Variants in TRIP13 observed in about 807,000 individuals in gnomAD.
TRIP13 encodes pachytene checkpoint protein 2 homolog.
A neutral mutation model predicts 54.4 loss-of-function variants in TRIP13; 25 were observed. The observed-to-expected ratio is 0.46, with a 90% CI of 0.33 to 0.64. The LOEUF is 0.64. Ranked by LOEUF, TRIP13 falls within the 30% of genes least tolerant of loss-of-function variation. The pLI is 0.02. For synonymous variants in TRIP13, 207 were observed against 207.8 expected, an observed-to-expected ratio of 1.00 and a Z score of 0.03; for missense variants, 373 against 534.2, an observed-to-expected ratio of 0.70 and a Z score of 2.97.
chr5:911,844 C>T lies in TRIP13; in HGVS notation c.868C>T (p.His290Tyr). 1.2e-6 allele frequency: 2 copies of T among 1,607,406 alleles called. No individual in the cohort carries two copies. The highest frequency in any genetic ancestry group is 1.7e-6 in the Non-Finnish European group (2 of 1,177,848). ...VLTQIDQIKR[H>Y]SNVVILTTSN... ...GTGCTTGCTTCTCGGCCACAACAGGCATTCCAATGTTGTGATTCTGACCAC... is the reference window on the plus strand; with the variant it reads ...GTGCTTGCTTCTCGGCCACAACAGGTATTCCAATGTTGTGATTCTGACCAC... The change falls in exon 10 of 13, where the codon CAT (histidine) becomes TAT (tyrosine). Residue 290 changes from histidine to tyrosine, a missense_variant and splice_region_variant. His to Tyr is a moderately conservative substitution (Grantham distance 83). Around this residue, in one of 4 missense-constraint regions of TRIP13, gnomAD observed 119 missense variants for 223.0 expected, o/e 0.53. Coordinates refer to ENST00000166345, the MANE Select transcript of TRIP13 (RefSeq NM_004237.4). This position sits in a 1 kb window ranked among gnomAD's most constrained non-coding sequence, Gnocchi z 4.7.
intron 4 of TRIP13, 53 bp from the exon 5 acceptor site, chr5:901,288 G>A: frequency 6.4e-7 from 1 of 1,561,196 alleles, no homozygotes; most frequent in Admixed American, 1.7e-5. Context: ...CATTTCTTGG[G>A]GACCTTTGCC....
chr5:904,053 T>A, intron 5 of TRIP13, 95 bp from the exon 6 acceptor site: 2 of 1,130,052 alleles, frequency 1.8e-6, no homozygotes, highest in Non-Finnish European at 2.5e-6. Context: ...TTAACTGTAT[T>A]CCTTATATTT....
intron 4 of TRIP13, 114 bp downstream of exon 4, chr5:900,663 G>A: frequency 9.3e-7 from 1 of 1,072,332 alleles, no homozygotes; most frequent in Non-Finnish European, 1.4e-6. Context: ...GGGAGCCCCT[G>A]TCTGCTGGCA....
intron 4 of TRIP13, 73 bp from the exon 5 acceptor site, chr5:901,268 G>A (rs1472682030): frequency 1.4e-6 from 2 of 1,404,334 alleles, no homozygotes; most frequent in Non-Finnish European, 2.0e-6. Context: ...TTAAGCCCTG[G>A]GGGAGGGCAC....
intron 3 of TRIP13, among the ~76,000 whole-genome samples, chr5:897,028 G>A (rs1195371322): frequency 6.6e-6 from 1 of 152,234 alleles, no homozygotes; most frequent in Admixed American, 6.5e-5. Context: ...AACGGAGAGT[G>A]CCCATGTGCT....
intron 4 of TRIP13, among the ~76,000 whole-genome samples, chr5:900,915 G>C (rs1753972965): frequency 6.6e-6 from 1 of 152,190 alleles, no homozygotes; most frequent in African/African-American, 2.4e-5. Flanking sequence ...CTGGCTAGAA[G>C]ACTATCACTC....
chr5:901,281 T>G, intron 4 of TRIP13, 60 bp from the exon 5 acceptor site: 2 of 1,543,748 alleles, frequency 1.3e-6, no homozygotes, highest in Non-Finnish European at 8.9e-7. Context: ...GAGGGCACAT[T>G]TCTTGGGGAC....
At position 907,052 on chromosome 5, in the gene TRIP13, T is replaced by G; in HGVS notation, c.609-78T>G. 2 of 1,233,932 alleles carry G rather than the reference T, an allele frequency of 1.6e-6. No individual in the cohort carries two copies. Among genetic ancestry groups the G allele is most frequent in the Non-Finnish European group, 2.4e-6 (2 of 840,124 alleles). 76.4% of individuals were successfully genotyped at this position (1,233,932 alleles called of 1,614,324 possible). ...ATGCTGGGCACTTGAGATGTTGCAT[T>G]CAGGACGCGTGAATGGCTGCCGCTG... On this transcript the variant is annotated intron_variant, in intron 6 of 12. Transcript: ENST00000166345. The surrounding 1 kb of genome is among the most constrained non-coding windows in gnomAD (Gnocchi z 4.1).
In TRIP13 at chr5:907,713, G is replaced by C. The variant is rs1754144734; in HGVS notation, c.673-275G>C. ...TCATCAGAGAGGACACACAGGTAAA[G>C]CAGAGGTACAGGTCACCCTCACTGT... On this transcript the variant is annotated intron_variant, in intron 7 of 12. Coordinates refer to ENST00000166345, the MANE Select transcript of TRIP13 (RefSeq NM_004237.4). The surrounding 1 kb of genome is among the most constrained non-coding windows in gnomAD (Gnocchi z 4.1). Among the ~76,000 whole-genome samples the C allele has an allele frequency of 6.6e-6, 1 of 152,234 alleles. No individual in the cohort carries two copies. The highest frequency in any genetic ancestry group is 2.4e-5 in the African/African-American group (1 of 41,464).
chr5:897,061 T>G (rs1024228712), intron 3 of TRIP13, among the ~76,000 whole-genome samples: 2 of 152,266 alleles, frequency 1.3e-5, no homozygotes, highest in African/African-American at 2.4e-5. Flanking sequence ...CTGCTTGGTC[T>G]GTCCTGCTGA....
Position 894,892 on chromosome 5 carries a change from G to A in TRIP13, c.198G>A (p.Leu66=), listed in dbSNP as rs1272789006. 1 of 1,613,672 alleles carries A rather than the reference G, an allele frequency of 6.2e-7. No individual in the cohort carries two copies. The highest frequency in any genetic ancestry group is 8.5e-7 in the Non-Finnish European group (1 of 1,179,916). ...YTWTEFDEPF[L]TRNVQSVSII... ...GGACTGAGTTTGATGAACCTTTTTT[G>A]ACCAGAAATGTGCAGTCTGTGTCTA... Residue 66 remains leucine (L), a synonymous_variant, in exon 2 of 13, where the codon TTG becomes TTA. Coordinates refer to ENST00000166345, the MANE Select transcript of TRIP13 (RefSeq NM_004237.4).
Position 908,069 on chromosome 5 carries a change from G to A in TRIP13, c.754G>A (p.Asp252Asn). The A allele has an allele frequency of 6.2e-7, 1 of 1,614,198 alleles. No homozygotes were observed. The highest frequency in any genetic ancestry group is 8.5e-7 in the Non-Finnish European group (1 of 1,180,020). Residue 252 changes from aspartate to asparagine, a missense_variant, in exon 8 of 13, where the codon GAT becomes AAT. Asp to Asn is a conservative substitution (Grantham distance 23). Transcript: ENST00000166345. The surrounding 1 kb of genome is among the most constrained non-coding windows in gnomAD (Gnocchi z 5.2). ...AGACGCCCTGGTGTTCGTGCTGATT[G>A]ATGAGGTAGGCATTTCCAGATAAGG... ...DKDALVFVLIDEVESLTAARN... is the reference protein window; with the variant it reads ...DKDALVFVLINEVESLTAARN...
chr5:917,340 T>C lies in TRIP13; in HGVS notation c.*237T>C, dbSNP rs570562379. 1.2e-5 allele frequency: 5 copies of C among 434,310 alleles called. No homozygotes were observed. Among genetic ancestry groups the C allele is most frequent in the African/African-American group, 1.0e-4 (5 of 49,142 alleles). The allele number at this position is 434,310 out of a possible 1,614,324, so 26.9% of individuals were successfully genotyped here. On this transcript the variant is annotated 3_prime_UTR_variant, in exon 13 of 13. Coordinates refer to ENST00000166345, the MANE Select transcript of TRIP13 (RefSeq NM_004237.4). ...CATTTTCACTGTTTGTAAAAGATAA[T>C]TCAGATTGTTTGTCTCCTTGTGAAG...
At chr5:900,368 C>G (rs942374253) in intron 3 of TRIP13, 126 bp from the exon 4 acceptor site, 1 of 896,230 alleles carries the variant, frequency 1.1e-6, no homozygotes, top group African/African-American at 1.7e-5. Context: ...TTCCTGTAAT[C>G]AGAATCATAG....
rs1754271849 is a variant in TRIP13 at position 912,973 on chromosome 5, G to A, written c.1020+977G>A. ...CAGAGTAGGGGTGTTAACAAGGATG[G>A]CACACCCTGCTGTGGTTGGGGACGG... is the stretch of plus-strand genomic sequence containing the variant. On this transcript the variant is annotated intron_variant, in intron 10 of 12. Coordinates refer to ENST00000166345, the MANE Select transcript of TRIP13 (RefSeq NM_004237.4). This position sits in a 1 kb window ranked among gnomAD's most constrained non-coding sequence, Gnocchi z 7.2. Among the ~76,000 whole-genome samples, 1 of 152,180 alleles carries A rather than the reference G, an allele frequency of 6.6e-6. No individual in the cohort carries two copies. The highest frequency in any genetic ancestry group is 2.4e-5 in the African/African-American group (1 of 41,442).
At chr5:914,725 G>T in intron 11 of TRIP13, 148 bp downstream of exon 11, 1 of 612,710 alleles carries the variant, frequency 1.6e-6, no homozygotes, top group Non-Finnish European at 3.0e-6. Context: ...ACACACGTGT[G>T]TGTGTGTGTG....
Position 912,701 on chromosome 5 carries a change from G to A in TRIP13, c.1020+705G>A, listed in dbSNP as rs1383124442. ...ATGGGCACAGTGACGCGTGTGGTGAGTGTGCGTGAGTCTGGAACGCCGTCG... is the reference window on the plus strand; with the variant it reads ...ATGGGCACAGTGACGCGTGTGGTGAATGTGCGTGAGTCTGGAACGCCGTCG... On this transcript the variant is annotated intron_variant, in intron 10 of 12. Coordinates refer to ENST00000166345, the MANE Select transcript of TRIP13 (RefSeq NM_004237.4). The surrounding 1 kb of genome is among the most constrained non-coding windows in gnomAD (Gnocchi z 7.2). Among the ~76,000 whole-genome samples, 1 of 151,880 alleles carries A rather than the reference G, an allele frequency of 6.6e-6. No individual in the cohort carries two copies. The highest frequency in any genetic ancestry group is 6.6e-5 in the Admixed American group (1 of 15,236).
At chr5:903,133 C>T (rs1258730643) in intron 5 of TRIP13, among the ~76,000 whole-genome samples, 1 of 152,022 alleles carries the variant, frequency 6.6e-6, no homozygotes, top group Non-Finnish European at 1.5e-5. Context: ...TCTCTAAACT[C>T]CCCGGGGGAA....
At chr5:902,824 G>A (rs891914589) in intron 5 of TRIP13, among the ~76,000 whole-genome samples, 1 of 152,250 alleles carries the variant, frequency 6.6e-6, no homozygotes, top group Non-Finnish European at 1.5e-5. Context: ...GTAAGGTCAC[G>A]TGGGTCACGT....
Sources: gnomAD v4.1 joint callset for allele counts (sites outside exome capture counted in the v4.1 genomes callset) on GRCh38, gnomAD v4.1.1 for gene constraint, gnomAD v4.1.1 regional missense constraint, Gnocchi (gnomAD v3.1) non-coding constraint, MANE v1.5 for transcripts, NCBI Gene and HGNC (gene_info 2026-07-23, HGNC 2026-07-21) for gene names.